Variants in COIL observed in about 807,000 individuals in gnomAD.
COIL encodes coilin p80.
A neutral mutation model predicts 51.6 loss-of-function variants in COIL; 28 were observed. The ratio of observed to expected loss-of-function variants is 0.54; its 90% CI spans 0.40 to 0.74. The LOEUF (loss-of-function observed/expected upper bound fraction) is 0.74. COIL is among the 30% of genes least tolerant of loss of function. The pLI is 0.00. For missense variants in COIL, 667 were observed against 685.9 expected (o/e 0.97, Z 0.31); for synonymous variants, 233 against 255.8 (o/e 0.91, Z 0.85).
chr17:56,939,296 A>G (rs2144388020), intron 6 of COIL, 142 bp from the exon 7 acceptor site: 1 of 613,898 alleles, frequency 1.6e-6, no homozygotes, highest in Non-Finnish European at 2.9e-6. Context: ...GTTCAATTGC[A>G]GTATAGTAAC....
chr17:56,940,666 C>G (rs535267190), intron 6 of COIL, among the ~76,000 whole-genome samples: 8 of 152,258 alleles, frequency 5.3e-5, no homozygotes, highest in African/African-American at 1.4e-4. Flanking sequence ...TCTACAAGTT[C>G]ACACTTCAGA....
Position 56,960,890 on chromosome 17 carries a change from G to C in COIL, c.130C>G (p.Leu44Val). ...RCRVVTDLIS[L>V]IRQRFGFSSG... ...CTGAAGCCGAAGCGCTGGCGGATGA[G>C]ACTAATGAGATCTGTGACGACTCGG... Residue 44 changes from leucine (L) to valine (V), a missense_variant, in exon 1 of 7, where the codon CTC becomes GTC. Coordinates refer to ENST00000240316, the MANE Select transcript of COIL (RefSeq NM_004645.3). 1 of 1,614,222 alleles carries C rather than the reference G, an allele frequency of 6.2e-7. No homozygotes were observed. The highest frequency in any genetic ancestry group is 8.5e-7 in the Non-Finnish European group (1 of 1,180,016).
At chr17:56,955,829 TA>T (rs1332481300) in intron 1 of COIL, among the ~76,000 whole-genome samples, 2 of 152,242 alleles carry the variant, frequency 1.3e-5, no homozygotes, top group Non-Finnish European at 2.9e-5. Context: ...TATCAATTTT[TA>T]TATGTACCTT....
At chr17:56,940,885 A>C (rs988089670) in intron 6 of COIL, 1 of 152,132 alleles carries the variant, frequency 6.6e-6, no homozygotes, top group Admixed American at 6.5e-5. Context: ...GTGTAATCCT[A>C]GCACTTTGGG....
chr17:56,945,325 G>C (rs540459955), intron 5 of COIL, among the ~76,000 whole-genome samples: 48 of 152,008 alleles, frequency 3.2e-4, no homozygotes, highest in Non-Finnish European at 5.6e-4. Context: ...GCGATAGAGT[G>C]AGACTCTGTC....
intron 4 of COIL, 135 bp downstream of exon 4, chr17:56,949,252 A>C (rs1448727092): frequency 3.1e-6 from 2 of 655,380 alleles, no homozygotes; most frequent in Admixed American, 7.2e-5. Context: ...CATTTCGATT[A>C]ATGTTTTCAT....
At chr17:56,940,892 T>C (rs1255780539) in intron 6 of COIL, 2 of 152,164 alleles carry the variant, frequency 1.3e-5, no homozygotes, top group African/African-American at 4.8e-5. Flanking sequence ...CCTAGCACTT[T>C]GGGAGGCCGA....
rs1247522758 is a variant in COIL at position 56,960,769 on chromosome 17, G to T, written c.245+6C>A. 1 of 1,492,032 alleles carries T rather than the reference G, an allele frequency of 6.7e-7. No homozygotes were observed. The highest frequency in any genetic ancestry group is 1.4e-5 in the African/African-American group (1 of 70,532). 92.4% of individuals were successfully genotyped at this position (1,492,032 alleles called of 1,614,324 possible). On this transcript the variant is annotated splice_donor_region_variant and intron_variant, in intron 1 of 6. Transcript: ENST00000240316. ...ACCCGGCCGTCCCGCTCCCTGCGCC[G>T]CGCACCTGAGGCAGTCGTTGTCTCT...
chr17:56,953,397 C>T (rs1910417070), intron 1 of COIL, among the ~76,000 whole-genome samples: 1 of 108,468 alleles, frequency 9.2e-6, no homozygotes, highest in Admixed American at 1.4e-4. Context: ...GGCAACAGAG[C>T]AAGACTCCGT....
chr17:56,952,209 A>G, intron 1 of COIL: 1 of 500,434 alleles, frequency 2.0e-6, no homozygotes, highest in South Asian at 1.4e-5. Flanking sequence ...TGAACCTCAC[A>G]GGCAGGCTAA....
At chr17:56,940,855 C>T (rs576778013) in intron 6 of COIL, among the ~76,000 whole-genome samples, 1 of 152,274 alleles carries the variant, frequency 6.6e-6, no homozygotes, top group East Asian at 1.9e-4. Context: ...TATAAATCGG[C>T]CGGGCGCGGT....
chr17:56,952,293 C>A (rs1910387919), intron 1 of COIL: 3 of 476,358 alleles, frequency 6.3e-6, no homozygotes, highest in South Asian at 3.1e-5. Context: ...ATAACCTGCT[C>A]CCATCCCACC....
intron 6 of COIL, chr17:56,940,374 G>A (rs1356247444): frequency 6.6e-6 from 1 of 152,222 alleles, no homozygotes; most frequent in Non-Finnish European, 1.5e-5. Flanking sequence ...GCCTCCCAAA[G>A]TGCTGTGATT....
rs1224418289 is a variant in COIL at position 56,950,359 on chromosome 17, C to A, written c.883G>T (p.Ala295Ser). The A allele has an allele frequency of 6.2e-7, 1 of 1,614,164 alleles. No individual in the cohort carries two copies. Among genetic ancestry groups the A allele is most frequent in the Non-Finnish European group, 8.5e-7 (1 of 1,180,044 alleles). Residue 295 changes from alanine (A) to serine (S), a missense_variant, in exon 2 of 7, where the codon GCT (alanine) becomes TCT (serine). Physicochemically the swap from Ala to Ser is moderately conservative, Grantham distance 99. Coordinates refer to ENST00000240316, the MANE Select transcript of COIL (RefSeq NM_004645.3). ...STKNTTADKL[A>S]IKLGFSLTPS... ...GTAAGGCTAAAGCCAAGTTTTATAG[C>A]CAGTTTGTCTGCAGTTGTATTTTTG...
intron 5 of COIL, among the ~76,000 whole-genome samples, chr17:56,944,374 C>A (rs1036839291): frequency 3.3e-5 from 5 of 152,020 alleles, no homozygotes; most frequent in Non-Finnish European, 7.4e-5. Flanking sequence ...GGGAGGATCA[C>A]GAGGTCAGGA....
intron 1 of COIL, among the ~76,000 whole-genome samples, chr17:56,952,989 G>A (rs1910401577): frequency 6.6e-6 from 1 of 152,188 alleles, no homozygotes; most frequent in Non-Finnish European, 1.5e-5. Flanking sequence ...ACTCAAAAAT[G>A]CCTGTTGGCC....
chr17:56,946,393 C>A, intron 5 of COIL, 49 bp downstream of exon 5: 3 of 1,279,540 alleles, frequency 2.3e-6, no homozygotes, highest in Non-Finnish European at 3.4e-6. Context: ...TATTTATAAA[C>A]CACTGTAGAT....
At chr17:56,952,314 C>T in intron 1 of COIL, 1 of 469,346 alleles carries the variant, frequency 2.1e-6, no homozygotes, top group South Asian at 1.6e-5. Context: ...AGTTTGGTTT[C>T]ACTGTACTGA....
chr17:56,955,314 C>T (rs1181810454), intron 1 of COIL, among the ~76,000 whole-genome samples: 3 of 152,304 alleles, frequency 2.0e-5, no homozygotes, highest in East Asian at 1.9e-4. Flanking sequence ...TCGCCCGCCT[C>T]GGCCTCCCAA....
Sources: gnomAD v4.1 joint callset for allele counts (sites outside exome capture counted in the v4.1 genomes callset) on GRCh38, gnomAD v4.1.1 for gene constraint, MANE v1.5 for transcripts, NCBI Gene and HGNC (gene_info 2026-07-23, HGNC 2026-07-21) for gene names.